Variants in ELSPBP1 observed in about 807,000 individuals in gnomAD.
ELSPBP1 encodes the protein epididymal sperm-binding protein 1.
In ELSPBP1, 38 loss-of-function variants were observed where a neutral mutation model predicts 33.3. The observed-to-expected ratio is 1.14, with a 90% CI of 0.88 to 1.50. The LOEUF (loss-of-function observed/expected upper bound fraction) is 1.50, where lower values mean the gene tolerates loss of function less well. Among genes scored for constraint, ELSPBP1 ranks in the 40% most tolerant of loss-of-function variants. The probability of loss-of-function intolerance (pLI) is 0.00; values close to 1 mark genes in which losing one functional copy is unlikely to be tolerated. For missense variants in ELSPBP1, 267 were observed against 263.5 expected (o/e 1.01, Z -0.09); for synonymous variants, 85 against 94.1 (o/e 0.90, Z 0.56).
At chr19:48,018,043 A>T (rs1967161496) in intron 4 of ELSPBP1, among the ~76,000 whole-genome samples, 2 of 152,144 alleles carry the variant, frequency 1.3e-5, no homozygotes, top group Non-Finnish European at 2.9e-5. Flanking sequence ...AAATTTGCAT[A>T]AATCACCAAA....
intron 1 of ELSPBP1, 32 bp from the exon 2 acceptor site, chr19:48,008,619 T>G: frequency 1.3e-6 from 2 of 1,517,926 alleles, no homozygotes; most frequent in Non-Finnish European, 1.8e-6. Context: ...AGGGGACGTG[T>G]GGGATGAAAA....
rs1433044708 is a variant in ELSPBP1 at position 48,024,955 on chromosome 19, AG to A, written c.*13del. On this transcript the variant is annotated 3_prime_UTR_variant, in exon 7 of 7. Coordinates refer to ENST00000339841, the MANE Select transcript of ELSPBP1 (RefSeq NM_022142.5). ...GATCTTTGCTTCTATTTTCAAGGAA[AG>A]GAGAAATATCTTCAGAGGAAGACTG... 1 of 152,222 alleles carries A rather than the reference AG, an allele frequency of 6.6e-6. No individual in the cohort carries two copies. 9.4% of individuals were successfully genotyped at this position (152,222 alleles called of 1,614,324 possible).
intron 1 of ELSPBP1, among the ~76,000 whole-genome samples, chr19:47,997,207 C>T (rs1966919830): frequency 6.6e-6 from 1 of 152,190 alleles, no homozygotes; most frequent in South Asian, 2.1e-4. Context: ...TTTGGTAAGT[C>T]AATAACTACC....
At chr19:48,016,181 T>C in intron 4 of ELSPBP1, 142 bp downstream of exon 4, 1 of 989,574 alleles carries the variant, frequency 1.0e-6, no homozygotes, top group Non-Finnish European at 1.5e-6. Flanking sequence ...GCTCAGAGAG[T>C]TCGCTATGAC....
chr19:48,018,767 G>A (rs1967167360), intron 4 of ELSPBP1, among the ~76,000 whole-genome samples: 1 of 151,930 alleles, frequency 6.6e-6, no homozygotes, highest in Non-Finnish European at 1.5e-5. Context: ...TCAAATTCTA[G>A]CTCCCCATGA....
At chr19:48,003,032 G>A (rs1346825911) in intron 1 of ELSPBP1, among the ~76,000 whole-genome samples, 1 of 152,096 alleles carries the variant, frequency 6.6e-6, no homozygotes, top group Non-Finnish European at 1.5e-5. Flanking sequence ...AACAGCAGCG[G>A]TGGCAGGATG....
chr19:47,999,542 C>T (rs1206764073), intron 1 of ELSPBP1, among the ~76,000 whole-genome samples: 1 of 152,014 alleles, frequency 6.6e-6, no homozygotes, highest in Non-Finnish European at 1.5e-5. Flanking sequence ...GCATGTGTCA[C>T]CACGCCTGGC....
chr19:48,002,342 G>A (rs1344759648), intron 1 of ELSPBP1, among the ~76,000 whole-genome samples: 2 of 152,152 alleles, frequency 1.3e-5, no homozygotes, highest in African/African-American at 2.4e-5. Context: ...GAGGAGAAGG[G>A]TCAAAATGAA....
chr19:48,010,243 G>T (rs996726583), intron 2 of ELSPBP1, among the ~76,000 whole-genome samples: 1 of 152,168 alleles, frequency 6.6e-6, no homozygotes, highest in Admixed American at 6.5e-5. Flanking sequence ...GAAAGTTTAG[G>T]AACTCACAGT....
chr19:48,010,451 A>T (rs940661135), intron 2 of ELSPBP1, among the ~76,000 whole-genome samples: 1 of 152,218 alleles, frequency 6.6e-6, no homozygotes, highest in African/African-American at 2.4e-5. Flanking sequence ...ACATTGTGTT[A>T]TGGACCAGAA....
intron 1 of ELSPBP1, among the ~76,000 whole-genome samples, chr19:48,000,290 G>C (rs1966954873): frequency 6.9e-6 from 1 of 144,578 alleles, no homozygotes; most frequent in African/African-American, 2.6e-5. Flanking sequence ...AATGCAGTGA[G>C]CCAAGACTGG....
rs1407619875 is a variant in ELSPBP1 at position 48,014,361 on chromosome 19, A to G, written c.208+53A>G. On this transcript the variant is annotated intron_variant, in intron 3 of 6. Transcript: ENST00000339841. Reference sequence around the variant, plus strand: ...GTGGCCTTTGAATAGGGTGGATCACAAAAGAGAATGTGTGACTGTCTATGA... The same window carrying G: ...GTGGCCTTTGAATAGGGTGGATCACGAAAGAGAATGTGTGACTGTCTATGA... 3.9e-5 allele frequency: 61 copies of G among 1,582,944 alleles called. No homozygotes were observed. The South Asian group carries it at 4.9e-4, about 13-fold the overall frequency.
chr19:48,000,657 C>T lies in ELSPBP1; in HGVS notation c.-18+5846C>T, dbSNP rs549513662. The stretch of plus-strand genomic sequence containing the variant: ...AATTCGTATACAGGCTACCCTTTTC[C>T]GAAGCCACAACCACTTACGTATTTC... On this transcript the variant is annotated intron_variant, in intron 1 of 6. Coordinates refer to ENST00000339841, the MANE Select transcript of ELSPBP1 (RefSeq NM_022142.5). 3.9e-5 allele frequency among the ~76,000 whole-genome samples: 6 copies of T among 152,246 alleles called. No individual in the cohort carries two copies. In the South Asian group the frequency reaches 1.0e-3, roughly 26 times the overall value.
chr19:48,002,474 C>T (rs1389341273), intron 1 of ELSPBP1, among the ~76,000 whole-genome samples: 6 of 152,102 alleles, frequency 3.9e-5, no homozygotes, highest in Non-Finnish European at 8.8e-5. Context: ...GTCTCTCCCC[C>T]ATCTCCATAA....
At chr19:47,996,639 A>T (rs1966914927) in intron 1 of ELSPBP1, among the ~76,000 whole-genome samples, 1 of 151,956 alleles carries the variant, frequency 6.6e-6, no homozygotes, top group Non-Finnish European at 1.5e-5. Flanking sequence ...GGAAGGATAC[A>T]TGGGTGGATG....
chr19:48,021,327 G>A (rs893692091), intron 5 of ELSPBP1, among the ~76,000 whole-genome samples: 23 of 151,732 alleles, frequency 1.5e-4, no homozygotes, highest in African/African-American at 5.3e-4. Flanking sequence ...ATTCTTCTTT[G>A]GCTTAGGTTT....
intron 5 of ELSPBP1, among the ~76,000 whole-genome samples, chr19:48,020,700 G>T (rs1034490675): frequency 4.6e-5 from 7 of 152,116 alleles, no homozygotes; most frequent in Admixed American, 4.6e-4. Flanking sequence ...CCTTCCTCCA[G>T]GGCCCTCTGT....
chr19:48,014,023 G>T, intron 2 of ELSPBP1, 148 bp from the exon 3 acceptor site: 1 of 892,116 alleles, frequency 1.1e-6, no homozygotes, highest in Non-Finnish European at 1.8e-6. Flanking sequence ...CATGACCGTG[G>T]GGGTTAGGAT....
intron 2 of ELSPBP1, 87 bp from the exon 3 acceptor site, chr19:48,014,084 T>C (rs62129077): frequency 0.15 from 226,560 of 1,480,784 alleles, 18,383 homozygotes; most frequent in South Asian, 0.22. Flanking sequence ...CGGACATTCA[T>C]ATTAAAGCAA....
Sources: allele counts gnomAD v4.1 joint callset (sites outside exome capture counted in the v4.1 genomes callset), GRCh38; gene constraint gnomAD v4.1.1; transcripts MANE v1.5; gene names NCBI Gene and HGNC (gene_info 2026-07-23, HGNC 2026-07-21).